The following NEK9 variants were observed in gnomAD, a reference collection of about 807,000 sequenced individuals.
NEK9 encodes NIMA related kinase 9, also known as serine/threonine-protein kinase Nek9.
Under a neutral mutation model 123.4 loss-of-function variants are expected in NEK9, and 75 were observed. The observed-to-expected ratio is 0.61, with a 90% CI of 0.50 to 0.74. NEK9 has a LOEUF of 0.74. Among genes scored for constraint, NEK9 ranks in the 30% least tolerant of loss-of-function variants. NEK9 has a pLI of 0.00. For synonymous variants in NEK9, 438 were observed against 458.7 expected (o/e 0.95, Z 0.58); for missense variants, 952 against 1,214.4 (o/e 0.78, Z 3.21).
At chr14:75,114,440 T>C (rs942447199) in intron 6 of NEK9, 127 bp from the exon 7 acceptor site, 1 of 704,796 alleles carries the variant, frequency 1.4e-6, no homozygotes. Flanking sequence ...CTTCTTGTTA[T>C]AACTACTAGT....
chr14:75,126,351 T>C (rs945659161), intron 1 of NEK9, among the ~76,000 whole-genome samples: 2 of 151,972 alleles, frequency 1.3e-5, no homozygotes, highest in Non-Finnish European at 2.9e-5. Flanking sequence ...CTCACATTCG[T>C]ATACCACTTT....
chr14:75,100,869 A>T, intron 16 of NEK9, 123 bp downstream of exon 16: 1 of 978,528 alleles, frequency 1.0e-6, no homozygotes, highest in East Asian at 2.5e-5. Context: ...CCACCAATTT[A>T]ATACAAATAA....
intron 19 of NEK9, among the ~76,000 whole-genome samples, chr14:75,090,277 CTTT>C (rs543579822): frequency 9.3e-5 from 11 of 118,822 alleles, no homozygotes; most frequent in Admixed American, 2.6e-4. Flanking sequence ...CATGCTCGGT[CTTT>C]TTTTTTTTTT....
intron 6 of NEK9, among the ~76,000 whole-genome samples, chr14:75,114,606 G>C (rs1002764439): frequency 2.0e-5 from 3 of 152,162 alleles, no homozygotes; most frequent in Non-Finnish European, 2.9e-5. Context: ...AGGAAAGCAA[G>C]ATTAGCCATC....
intron 16 of NEK9, among the ~76,000 whole-genome samples, chr14:75,100,187 C>T (rs1894526346): frequency 7.3e-6 from 1 of 137,140 alleles, no homozygotes; most frequent in African/African-American, 2.7e-5. Flanking sequence ...TGGCTCACGC[C>T]TGTAATCTCA....
rs1893953592 is a variant in NEK9 at position 75,084,411 on chromosome 14, C to T, written c.*153G>A. ...ATCCTATCTAAAAGGCAATGCCACT[C>T]TCCAAATGTACAAGGAAAGTGCTTC... On this transcript the variant is annotated 3_prime_UTR_variant, in exon 22 of 22. Transcript: ENST00000238616. 3 of 856,060 alleles carry T rather than the reference C, an allele frequency of 3.5e-6. No individual in the cohort carries two copies. Among genetic ancestry groups the T allele is most frequent in the Non-Finnish European group, 5.6e-6 (3 of 540,538 alleles). The allele number at this position is 856,060 out of a possible 1,614,324, so 53.0% of individuals were successfully genotyped here.
At chr14:75,113,776 T>C (rs1005398252) in intron 7 of NEK9, among the ~76,000 whole-genome samples, 1 of 152,116 alleles carries the variant, frequency 6.6e-6, no homozygotes, top group African/African-American at 2.4e-5. Context: ...ACTCCCCCAT[T>C]CCCTGGTGAT....
At chr14:75,107,242 T>C (rs1894808326) in intron 11 of NEK9, 101 bp downstream of exon 11, 1 of 1,253,936 alleles carries the variant, frequency 8.0e-7, no homozygotes, top group Non-Finnish European at 1.1e-6. Flanking sequence ...TGGTTCTTTG[T>C]ATACTGTCTT....
intron 3 of NEK9, 124 bp from the exon 4 acceptor site, chr14:75,120,704 C>CATCT: frequency 1.4e-6 from 1 of 734,488 alleles, no homozygotes; most frequent in Non-Finnish European, 2.3e-6. Flanking sequence ...CATGACTTGA[C>CATCT]ATCTCTTCCT....
intron 21 of NEK9, chr14:75,084,965 C>A (rs933686500): frequency 2.4e-5 from 8 of 331,878 alleles, no homozygotes; most frequent in African/African-American, 1.5e-4. Flanking sequence ...AAGTCCTGGG[C>A]AAAACAATCT....
In NEK9 at chr14:75,101,143, C is replaced by T. The variant is rs1894565360; in HGVS notation, c.1851G>A (p.Arg617=). Residue 617 remains arginine, a synonymous_variant, in exon 16 of 22, where the codon CGG becomes CGA. Transcript: ENST00000238616. ...ACTTGTTGCAGCCAAAGGTCAGCAGCCGGCCTCGCTCTGAGAGAGAAGCAA... is the reference window on the plus strand; with the variant it reads ...ACTTGTTGCAGCCAAAGGTCAGCAGTCGGCCTCGCTCTGAGAGAGAAGCAA... ...THTAAIDERG[R]LLTFGCNKCG... 6.2e-7 allele frequency: 1 copy of T among 1,613,888 alleles called. No homozygotes were observed. The highest frequency in any genetic ancestry group is 1.1e-5 in the South Asian group (1 of 91,058).
chr14:75,091,233 C>T (rs1344459055), intron 19 of NEK9, 37 bp downstream of exon 19: 1 of 1,558,956 alleles, frequency 6.4e-7, no homozygotes, highest in African/African-American at 1.4e-5. Context: ...CAAAGGGCCA[C>T]ATATTTTATC....
chr14:75,106,716 GA>G lies in NEK9; in HGVS notation c.1328-15del, dbSNP rs776448844. 3.9e-5 allele frequency: 63 copies of G among 1,600,538 alleles called. No individual in the cohort carries two copies. Among genetic ancestry groups the G allele is most frequent in the Non-Finnish European group, 5.0e-5 (58 of 1,171,360 alleles). ...GCTGACCCTCATCTGCAAAAGAAAG[GA>G]AAACAGAATCCATCAAAGGACTGAC... On this transcript the variant is annotated splice_polypyrimidine_tract_variant and intron_variant, in intron 11 of 21. Transcript: ENST00000238616.
chr14:75,120,081 T>C (rs541566942), intron 4 of NEK9, among the ~76,000 whole-genome samples: 6 of 152,332 alleles, frequency 3.9e-5, no homozygotes, highest in African/African-American at 1.4e-4. Context: ...CATGCTTGTT[T>C]TTAAAGATCT....
At position 75,084,632 on chromosome 14, in the gene NEK9, G is replaced by A; in HGVS notation, c.2872C>T (p.Pro958Ser). 6.2e-7 allele frequency: 1 copy of A among 1,614,160 alleles called. No homozygotes were observed. Among genetic ancestry groups the A allele is most frequent in the South Asian group, 1.1e-5 (1 of 91,082 alleles). ...QTAKEEMEMD[P>S]KPDLDSDSWC... ...GAATCTGAATCTAAGTCAGGCTTTG[G>A]ATCCATTTCCATCTCTTCCTTTGCT... Residue 958 changes from proline to serine, a missense_variant, in exon 22 of 22, where the codon CCA becomes TCA. Transcript: ENST00000238616.
chr14:75,108,045 C>A (rs1894835160), intron 10 of NEK9, among the ~76,000 whole-genome samples: 1 of 151,758 alleles, frequency 6.6e-6, no homozygotes, highest in South Asian at 2.1e-4. Context: ...TTCCCTGAAA[C>A]ATGGAAGAGT....
At chr14:75,108,531 G>A (rs1407324258) in intron 10 of NEK9, among the ~76,000 whole-genome samples, 3 of 54,568 alleles carry the variant, frequency 5.5e-5, no homozygotes, top group East Asian at 2.7e-4. Flanking sequence ...GTGTGTGTGT[G>A]TGTGTGTGTG....
At chr14:75,097,950 G>A (rs1894442771) in intron 16 of NEK9, among the ~76,000 whole-genome samples, 1 of 152,196 alleles carries the variant, frequency 6.6e-6, no homozygotes, top group South Asian at 2.1e-4. Flanking sequence ...AGGTGGCTGA[G>A]GTCCTGCTCA....
At chr14:75,095,079 C>T (rs1186890635) in intron 18 of NEK9, among the ~76,000 whole-genome samples, 2 of 152,064 alleles carry the variant, frequency 1.3e-5, no homozygotes, top group African/African-American at 2.4e-5. Context: ...TCATTACCCC[C>T]TAGAATAGTA....
Sources: gnomAD v4.1 joint callset for allele counts (sites outside exome capture counted in the v4.1 genomes callset) on GRCh38, gnomAD v4.1.1 for gene constraint, MANE v1.5 for transcripts, NCBI Gene and HGNC (gene_info 2026-07-23, HGNC 2026-07-21) for gene names.